The following DLG2 variants were observed in gnomAD, a reference collection of about 807,000 sequenced individuals.
DLG2 encodes discs large MAGUK scaffold protein 2, also known as disks large homolog 2.
Under a neutral mutation model 132.5 loss-of-function variants are expected in DLG2, and 45 were observed. The observed-to-expected ratio is 0.34, with a 90% CI of 0.27 to 0.44. DLG2 has a LOEUF of 0.44. Ranked by LOEUF, DLG2 falls within the 20% of genes least tolerant of loss-of-function variation. DLG2 has a pLI of 1.00. For synonymous variants in DLG2, 424 were observed against 419.6 expected, an observed-to-expected ratio of 1.01 and a Z score of -0.13; for missense variants, 1,045 against 1,196.9, an observed-to-expected ratio of 0.87 and a Z score of 1.87.
intron 4 of DLG2, among the ~76,000 whole-genome samples, chr11:85,273,042 G>T (rs540683231): frequency 1.3e-5 from 2 of 152,242 alleles, no homozygotes; most frequent in African/African-American, 4.8e-5. Context: ...GGGAAAACTG[G>T]CTAGCCATAT....
chr11:84,836,569 A>G (rs755040370), intron 6 of DLG2, among the ~76,000 whole-genome samples: 2 of 151,820 alleles, frequency 1.3e-5, no homozygotes, highest in Non-Finnish European at 2.9e-5. Context: ...TCATTCCTTT[A>G]ACACTTTCTC....
chr11:84,908,712 C>T (rs924392027), intron 6 of DLG2, among the ~76,000 whole-genome samples: 2 of 151,654 alleles, frequency 1.3e-5, no homozygotes, highest in African/African-American at 2.4e-5. Context: ...ACCATTGAAT[C>T]AGATTTTTTT....
chr11:83,985,837 T>C (rs2093241747), intron 11 of DLG2, among the ~76,000 whole-genome samples: 1 of 152,156 alleles, frequency 6.6e-6, no homozygotes, highest in African/African-American at 2.4e-5. Context: ...TTTATCTTTA[T>C]AATAGAATGA....
At chr11:85,491,761 T>A (rs1024811101) in intron 3 of DLG2, among the ~76,000 whole-genome samples, 1 of 152,058 alleles carries the variant, frequency 6.6e-6, no homozygotes, top group African/African-American at 2.4e-5. Flanking sequence ...CACAAATAAA[T>A]AGAGAGATAT....
chr11:84,477,771 A>G (rs1365287848), intron 7 of DLG2, among the ~76,000 whole-genome samples: 1 of 152,222 alleles, frequency 6.6e-6, no homozygotes, highest in Non-Finnish European at 1.5e-5. Context: ...GTCATGTTAA[A>G]TAGAGACATA....
At chr11:84,120,267 C>T (rs2093843338) in intron 9 of DLG2, among the ~76,000 whole-genome samples, 1 of 151,952 alleles carries the variant, frequency 6.6e-6, no homozygotes, top group Non-Finnish European at 1.5e-5. Flanking sequence ...CAGTATGCAA[C>T]CTGAAAATAG....
At chr11:83,559,805 G>A (rs922497968) in intron 19 of DLG2, among the ~76,000 whole-genome samples, 1 of 152,096 alleles carries the variant, frequency 6.6e-6, no homozygotes, top group Non-Finnish European at 1.5e-5. Flanking sequence ...ATGATGCCTG[G>A]CACTCCAGCA....
intron 3 of DLG2, among the ~76,000 whole-genome samples, chr11:85,510,616 GA>G (rs1352021996): frequency 2.0e-5 from 3 of 151,944 alleles, no homozygotes; most frequent in African/African-American, 7.2e-5. Flanking sequence ...AAAAACACAT[GA>G]AAAATGCTCA....
chr11:84,512,963 A>AACAATAC (rs1475884688), intron 7 of DLG2, among the ~76,000 whole-genome samples: 1 of 151,944 alleles, frequency 6.6e-6, no homozygotes, highest in Non-Finnish European at 1.5e-5. Context: ...CAGGGAGGGG[A>AACAATAC]ACAATACACA....
intron 19 of DLG2, among the ~76,000 whole-genome samples, chr11:83,572,524 G>C (rs2096813870): frequency 6.6e-6 from 1 of 152,138 alleles, no homozygotes. Context: ...GATACAGACA[G>C]GTAGCAGACC....
At chr11:83,711,853 T>C (rs1323652771) in intron 18 of DLG2, among the ~76,000 whole-genome samples, 1 of 152,156 alleles carries the variant, frequency 6.6e-6, no homozygotes, top group East Asian at 1.9e-4. Context: ...TGGTGAAGCA[T>C]GTACATATTC....
chr11:84,252,140 C>CTTTTT lies in DLG2; in HGVS notation c.520-854_520-850dup, dbSNP rs1176873990. ...GCTGTATCCTGTATTTTCTTTCTTT[C>CTTTTT]TTTTTTTTTTTTTTTTTTTTTTTTT... is the stretch of plus-strand genomic sequence containing the variant. On this transcript the variant is annotated intron_variant, in intron 7 of 27. Transcript: ENST00000376104. Among the ~76,000 whole-genome samples the CTTTTT allele has an allele frequency of 4.0e-3, 263 of 65,382 alleles. 3 individuals carry two copies. Among genetic ancestry groups the CTTTTT allele is most frequent in the African/African-American group, 6.9e-3 (100 of 14,558 alleles). 42.9% of individuals were successfully genotyped at this position (65,382 alleles called of 152,430 possible).
At position 84,502,162 on chromosome 11, in the gene DLG2, C is replaced by G. The variant is rs1002525081; in HGVS notation, c.519+32408G>C. Among the ~76,000 whole-genome samples, 28 of 46,696 alleles carry G rather than the reference C, an allele frequency of 6.0e-4. No homozygotes were observed. The East Asian group carries it at 8.2e-3, about 14-fold the overall frequency. 30.6% of individuals were successfully genotyped at this position (46,696 alleles called of 152,430 possible). On this transcript the variant is annotated intron_variant, in intron 7 of 27. Transcript: ENST00000376104. ...CTTTCTTTCCTTCCTTCCTTCCTTT[C>G]TCTCTCTCTCTCTTTCTCTCTCTTT...
chr11:83,877,783 T>C lies in DLG2; in HGVS notation c.1497-3295A>G, dbSNP rs141765456. Among the ~76,000 whole-genome samples, 257 of 152,340 alleles carry C rather than the reference T, an allele frequency of 1.7e-3. 2 individuals are homozygous for C. The highest frequency in any genetic ancestry group is 5.8e-3 in the African/African-American group (241 of 41,578). The stretch of plus-strand genomic sequence containing the variant: ...AAGACCTGTGGACACAAATGAATTT[T>C]TGTTATTCCCAAATATAATAGTAAT... On this transcript the variant is annotated intron_variant, in intron 15 of 27. Transcript: ENST00000376104.
chr11:84,901,369 A>G (rs1283007765), intron 6 of DLG2, among the ~76,000 whole-genome samples: 2 of 152,082 alleles, frequency 1.3e-5, no homozygotes, highest in African/African-American at 4.8e-5. Context: ...CCTGACAATC[A>G]GTGGGATAAG....
At chr11:83,889,088 C>A (rs1343393997) in intron 15 of DLG2, among the ~76,000 whole-genome samples, 30 of 151,950 alleles carry the variant, frequency 2.0e-4, no homozygotes, top group African/African-American at 6.5e-4. Context: ...ATGGCAACAA[C>A]AGCCAAAATT....
At chr11:84,005,760 A>C (rs780303064) in intron 11 of DLG2, among the ~76,000 whole-genome samples, 2 of 151,846 alleles carry the variant, frequency 1.3e-5, no homozygotes, top group African/African-American at 2.4e-5. Context: ...CAAATCAAAA[A>C]CCACAATGAG....
At chr11:84,898,087 A>C (rs2090429150) in intron 6 of DLG2, among the ~76,000 whole-genome samples, 1 of 151,934 alleles carries the variant, frequency 6.6e-6, no homozygotes, top group Non-Finnish European at 1.5e-5. Context: ...ATATGGCTTC[A>C]CTTTGCAAAG....
At chr11:83,666,698 A>G (rs1232117001) in intron 18 of DLG2, among the ~76,000 whole-genome samples, 1 of 152,150 alleles carries the variant, frequency 6.6e-6, no homozygotes. Flanking sequence ...CTTAATTATA[A>G]CTATCTAATA....
Sources: allele counts gnomAD v4.1 joint callset (sites outside exome capture counted in the v4.1 genomes callset), GRCh38; gene constraint gnomAD v4.1.1; transcripts MANE v1.5; gene names NCBI Gene and HGNC (gene_info 2026-07-23, HGNC 2026-07-21).